The following ITGAL variants were observed in gnomAD, a reference collection of about 807,000 sequenced individuals.
The protein encoded by ITGAL is integrin subunit alpha L, also known as integrin alpha-L.
Under a neutral mutation model 138.4 loss-of-function variants are expected in ITGAL, and 68 were observed. The observed-to-expected ratio is 0.49, with a 90% CI of 0.40 to 0.60. ITGAL has a LOEUF of 0.60. ITGAL is among the 20% of genes least tolerant of loss of function. ITGAL has a pLI of 0.00. For synonymous variants in ITGAL, 561 were observed against 584.3 expected, an observed-to-expected ratio of 0.96 and a Z score of 0.57; for missense variants, 1,256 against 1,478.6, an observed-to-expected ratio of 0.85 and a Z score of 2.47.
intron 28 of ITGAL, among the ~76,000 whole-genome samples, chr16:30,518,233 A>G (rs1395572868): frequency 6.6e-6 from 1 of 152,108 alleles, no homozygotes; most frequent in East Asian, 1.9e-4. Flanking sequence ...GGATCACTTG[A>G]GGTCGGGAGT....
Position 30,522,619 on chromosome 16 carries a change from A to T in ITGAL, c.*954A>T, listed in dbSNP as rs1378567255. ...GCGTGGGACATCTAGTAGGTGCTTG[A>T]CATAATTTCACTGAATTAATGACAG... is the stretch of plus-strand genomic sequence containing the variant. On this transcript the variant is annotated 3_prime_UTR_variant, in exon 31 of 31. Transcript: ENST00000356798. This position sits in a 1 kb window ranked among gnomAD's most constrained non-coding sequence, Gnocchi z 4.0. The T allele has an allele frequency of 1.3e-5, 2 of 152,178 alleles. No homozygotes were observed. Among genetic ancestry groups the T allele is most frequent in the Non-Finnish European group, 2.9e-5 (2 of 68,064 alleles). 9.4% of individuals were successfully genotyped at this position (152,178 alleles called of 1,614,324 possible). A position where few individuals can be genotyped will look rare whatever the true frequency, so the allele number is the denominator to read the frequency against.
intron 18 of ITGAL, 71 bp downstream of exon 18, chr16:30,504,335 G>A (rs1239508592): frequency 1.7e-6 from 2 of 1,176,114 alleles, no homozygotes; most frequent in East Asian, 2.3e-5. Flanking sequence ...AGCCGCCCAT[G>A]GCCGGGCAGC....
chr16:30,479,206 A>C lies in ITGAL; in HGVS notation c.443A>C (p.Gln148Pro). The change falls in exon 5 of 31, where the codon CAG becomes CCG. Residue 148 changes from glutamine to proline, a missense_variant and splice_region_variant. Transcript: ENST00000356798. Reference protein sequence around the residue: ...GPMLQGRPGFQECIKGNVDLV... With the variant: ...GPMLQGRPGFPECIKGNVDLV... The stretch of plus-strand genomic sequence containing the variant: ...ATGCTGCAGGGGCGCCCTGGTTTTC[A>C]GGGTAAGGAACTGGGGACTCATTGG... The C allele has an allele frequency of 6.2e-7, 1 of 1,613,990 alleles. No individual in the cohort carries two copies. Among genetic ancestry groups the C allele is most frequent in the Non-Finnish European group, 8.5e-7 (1 of 1,179,962 alleles).
intron 7 of ITGAL, among the ~76,000 whole-genome samples, chr16:30,481,942 A>C (rs2050566616): frequency 6.6e-6 from 1 of 152,102 alleles, no homozygotes; most frequent in South Asian, 2.1e-4. Context: ...CCCAGGCTGT[A>C]GTGCAATGGC....
intron 6 of ITGAL, chr16:30,480,675 A>T (rs2050539465): frequency 6.6e-6 from 1 of 152,322 alleles, no homozygotes; most frequent in Non-Finnish European, 1.5e-5. Context: ...TGAGGCAAGG[A>T]TGTGGAGTTG....
At chr16:30,475,152 A>T (rs1054690727) in intron 2 of ITGAL, 154 bp from the exon 3 acceptor site, 2 of 618,802 alleles carry the variant, frequency 3.2e-6, no homozygotes, top group South Asian at 4.2e-5. Flanking sequence ...AGTTACAGGC[A>T]TGAGCCACCC....
chr16:30,520,624 C>T (rs763355066), intron 30 of ITGAL, among the ~76,000 whole-genome samples: 3 of 152,190 alleles, frequency 2.0e-5, no homozygotes, highest in Admixed American at 2.0e-4. Context: ...GCCATTGTGG[C>T]GCTCACAGTC....
chr16:30,505,045 A>G (rs1202546708), intron 18 of ITGAL, 199 bp from the exon 19 acceptor site: 4 of 380,820 alleles, frequency 1.1e-5, no homozygotes, highest in African/African-American at 6.3e-5. Context: ...AAGAGCTGCC[A>G]GCAGAGTAAG....
chr16:30,512,701 A>AT (rs1397844971), intron 24 of ITGAL, among the ~76,000 whole-genome samples: 4 of 151,666 alleles, frequency 2.6e-5, no homozygotes, highest in Admixed American at 6.6e-5. Context: ...TGCTTTTTAA[A>AT]TTTTTTTTAT....
In ITGAL at chr16:30,478,465, G is replaced by A. The variant is rs373060367; in HGVS notation, c.328-626G>A. Among the ~76,000 whole-genome samples the A allele has an allele frequency of 1.6e-3, 243 of 151,948 alleles. 1 individual carries two copies. The highest frequency in any genetic ancestry group is 5.4e-3 in the African/African-American group (223 of 41,488). On this transcript the variant is annotated intron_variant, in intron 4 of 30. Transcript: ENST00000356798. ...TGTAATCCCAGCACTTTGGGAGGCC[G>A]AGGCAGGCAGATCACGAGGTTGGGA...
intron 24 of ITGAL, among the ~76,000 whole-genome samples, chr16:30,512,741 C>T (rs2051108002): frequency 6.6e-6 from 1 of 152,020 alleles, no homozygotes; most frequent in Non-Finnish European, 1.5e-5. Flanking sequence ...CGCTCTGTTG[C>T]CCAGGCTGGA....
At chr16:30,518,425 G>T (rs1429078967) in intron 28 of ITGAL, among the ~76,000 whole-genome samples, 199 bp from the exon 29 acceptor site, 1 of 151,386 alleles carries the variant, frequency 6.6e-6, no homozygotes. Flanking sequence ...CTCCAGCCTG[G>T]GTGACAGAGC....
At chr16:30,497,908 C>T (rs572549997) in intron 15 of ITGAL, among the ~76,000 whole-genome samples, 1 of 151,218 alleles carries the variant, frequency 6.6e-6, no homozygotes, top group Non-Finnish European at 1.5e-5. Flanking sequence ...GATCATGCCA[C>T]TGTACTCCAG....
chr16:30,511,955 G>A (rs2051097505), intron 24 of ITGAL, among the ~76,000 whole-genome samples: 1 of 152,156 alleles, frequency 6.6e-6, no homozygotes, highest in South Asian at 2.1e-4. Context: ...AAGGGTAGGG[G>A]GAAGAGAAAG....
At position 30,494,734 on chromosome 16, in the gene ITGAL, G is replaced by A. The variant is rs2050776032; in HGVS notation, c.1387G>A (p.Glu463Lys). Residue 463 changes from glutamate to lysine, a missense_variant, in exon 13 of 31, where the codon GAG (glutamate) becomes AAG (lysine). Glu to Lys is a moderately conservative substitution (Grantham distance 56). Coordinates refer to ENST00000356798, the MANE Select transcript of ITGAL (RefSeq NM_002209.3). This position sits in a 1 kb window ranked among gnomAD's most constrained non-coding sequence, Gnocchi z 4.2. ...ACAGATTGGCTCTTATTTCGGTGGGGAGCTGTGTGGCGTCGACGTGGACCA... is the reference window on the plus strand; with the variant it reads ...ACAGATTGGCTCTTATTTCGGTGGGAAGCTGTGTGGCGTCGACGTGGACCA... ...GTQIGSYFGGELCGVDVDQDG... is the reference protein window; with the variant it reads ...GTQIGSYFGGKLCGVDVDQDG... 1 of 1,611,802 alleles carries A rather than the reference G, an allele frequency of 6.2e-7. No individual in the cohort carries two copies. The highest frequency in any genetic ancestry group is 1.1e-5 in the South Asian group (1 of 90,870).
chr16:30,504,047 C>T (rs982574329), intron 17 of ITGAL, 128 bp from the exon 18 acceptor site: 21 of 718,226 alleles, frequency 2.9e-5, no homozygotes, highest in Non-Finnish European at 4.1e-5. Flanking sequence ...ATTTTCAATA[C>T]TGGTAGGGTC....
intron 20 of ITGAL, among the ~76,000 whole-genome samples, chr16:30,505,839 C>T (rs1003435374): frequency 6.6e-6 from 1 of 152,132 alleles, no homozygotes; most frequent in African/African-American, 2.4e-5. Context: ...CACCACTGCA[C>T]CCCAGCCTGG....
At chr16:30,485,997 C>T (rs2050641766) in intron 9 of ITGAL, among the ~76,000 whole-genome samples, 1 of 152,156 alleles carries the variant, frequency 6.6e-6, no homozygotes, top group Non-Finnish European at 1.5e-5. Flanking sequence ...CTCCACATTA[C>T]TTCAGAAGGG....
intron 15 of ITGAL, 67 bp from the exon 16 acceptor site, chr16:30,499,007 C>G: frequency 1.3e-6 from 2 of 1,499,610 alleles, no homozygotes. Flanking sequence ...CTGGCGGGAG[C>G]CCCACATCTG....
Sources: gnomAD v4.1 joint callset for allele counts (sites outside exome capture counted in the v4.1 genomes callset) on GRCh38, gnomAD v4.1.1 for gene constraint, Gnocchi (gnomAD v3.1) non-coding constraint, MANE v1.5 for transcripts, NCBI Gene and HGNC (gene_info 2026-07-23, HGNC 2026-07-21) for gene names.